Variants in EML6 observed in about 807,000 individuals in gnomAD.
EML6 encodes the protein echinoderm microtubule-associated protein-like 6.
A neutral mutation model predicts 240.1 loss-of-function variants in EML6; 154 were observed. That is an observed-to-expected ratio of 0.64 (90% confidence interval 0.56 to 0.73). The LOEUF is 0.73. Ranked by LOEUF, EML6 falls within the 30% of genes least tolerant of loss-of-function variation. The pLI is 0.00. For missense variants in EML6, 2,964 were observed against 2,474.6 expected (o/e 1.20, Z -4.20); for synonymous variants, 1,148 against 899.0 (o/e 1.28, Z -4.95).
chr2:54,750,689 A>G (rs541321090), intron 2 of EML6, among the ~76,000 whole-genome samples: 2 of 152,234 alleles, frequency 1.3e-5, no homozygotes, highest in East Asian at 1.9e-4. Flanking sequence ...GTTGATGCCA[A>G]TGGTCATGGG....
intron 13 of EML6, among the ~76,000 whole-genome samples, chr2:54,864,965 C>G (rs967256925): frequency 6.6e-6 from 1 of 152,138 alleles, no homozygotes. Context: ...TTGTATTATG[C>G]AATATGACTA....
Position 54,808,037 on chromosome 2 carries a change from C to A in EML6, c.198-5195C>A, listed in dbSNP as rs375366354. 5.3e-5 allele frequency among the ~76,000 whole-genome samples: 8 copies of A among 152,138 alleles called. No homozygotes were observed. The East Asian group carries it at 7.7e-4, about 15-fold the overall frequency. On this transcript the variant is annotated intron_variant, in intron 2 of 41. Coordinates refer to ENST00000356458, the MANE Select transcript of EML6 (RefSeq NM_001039753.4). ...CTTGTTAAAGTCCAGTTTTAGGGAC[C>A]CCCCCTGCTTAACTATGGATTATAC... is the stretch of plus-strand genomic sequence containing the variant.
At chr2:54,869,433 T>A in intron 15 of EML6, 66 bp downstream of exon 15, 2 of 1,228,202 alleles carry the variant, frequency 1.6e-6, no homozygotes, top group Admixed American at 2.7e-5. Context: ...TCAGTTTACA[T>A]ATTAGAAATT....
At chr2:54,956,700 A>G (rs1352907475) in intron 32 of EML6, among the ~76,000 whole-genome samples, 3 of 152,166 alleles carry the variant, frequency 2.0e-5, no homozygotes, top group Non-Finnish European at 4.4e-5. Flanking sequence ...AGGCCCAGCT[A>G]CATCAAAACC....
At chr2:54,836,249 T>C (rs944164391) in intron 7 of EML6, among the ~76,000 whole-genome samples, 7 of 152,164 alleles carry the variant, frequency 4.6e-5, no homozygotes, top group Non-Finnish European at 1.0e-4. Context: ...ATAACTCTCC[T>C]TAGCCAGCCT....
chr2:54,789,407 G>A (rs566461217), intron 2 of EML6, among the ~76,000 whole-genome samples: 4 of 150,162 alleles, frequency 2.7e-5, no homozygotes, highest in South Asian at 4.2e-4. Context: ...CCAGCTACTC[G>A]GGAGGCTGAG....
chr2:54,778,020 C>G (rs1251403703), intron 2 of EML6, among the ~76,000 whole-genome samples: 1 of 152,132 alleles, frequency 6.6e-6, no homozygotes, highest in East Asian at 1.9e-4. Flanking sequence ...AAAAGATAAT[C>G]TAGGCATTCA....
At chr2:54,927,687 C>G (rs560428602) in intron 26 of EML6, among the ~76,000 whole-genome samples, 7 of 152,312 alleles carry the variant, frequency 4.6e-5, no homozygotes, top group African/African-American at 1.4e-4. Flanking sequence ...CCTGGGCACA[C>G]CACTCCAAAA....
At chr2:54,889,891 A>G (rs1174976081) in intron 17 of EML6, among the ~76,000 whole-genome samples, 2 of 152,250 alleles carry the variant, frequency 1.3e-5, no homozygotes, top group Non-Finnish European at 2.9e-5. Context: ...TATGACGAAT[A>G]AGCTATTCCA....
intron 32 of EML6, among the ~76,000 whole-genome samples, chr2:54,956,379 C>G (rs929841990): frequency 6.9e-6 from 1 of 144,844 alleles, no homozygotes; most frequent in Non-Finnish European, 1.5e-5. Flanking sequence ...TGTTCAAATC[C>G]TTTTACTACT....
chr2:54,837,984 C>T (rs907329002), intron 7 of EML6, among the ~76,000 whole-genome samples: 2 of 152,184 alleles, frequency 1.3e-5, no homozygotes, highest in African/African-American at 4.8e-5. Flanking sequence ...CCCTCTTGGA[C>T]CAAATAATTG....
At chr2:54,825,680 A>G (rs1668551893) in intron 5 of EML6, among the ~76,000 whole-genome samples, 1 of 152,158 alleles carries the variant, frequency 6.6e-6, no homozygotes, top group Admixed American at 6.5e-5. Context: ...TTCATTGTGT[A>G]TCTGCCCTTC....
At chr2:54,912,166 G>C (rs1166058111) in intron 25 of EML6, among the ~76,000 whole-genome samples, 1 of 152,130 alleles carries the variant, frequency 6.6e-6, no homozygotes, top group African/African-American at 2.4e-5. Flanking sequence ...GGAAGTATAT[G>C]TGTAGTACTT....
At chr2:54,870,698 T>C (rs1671212773) in intron 15 of EML6, among the ~76,000 whole-genome samples, 1 of 152,202 alleles carries the variant, frequency 6.6e-6, no homozygotes, top group African/African-American at 2.4e-5. Flanking sequence ...GGTGTTTTTT[T>C]TTTACATAAA....
At chr2:54,812,217 A>G (rs1667882678) in intron 2 of EML6, among the ~76,000 whole-genome samples, 1 of 152,134 alleles carries the variant, frequency 6.6e-6, no homozygotes, top group South Asian at 2.1e-4. Context: ...GAGGCAAAAG[A>G]TGAAGTAATT....
At position 54,891,524 on chromosome 2, in the gene EML6, C is replaced by T. The variant is rs530270230; in HGVS notation, c.2539+370C>T. 4.6e-5 allele frequency among the ~76,000 whole-genome samples: 7 copies of T among 152,208 alleles called. No individual in the cohort carries two copies. In the South Asian group the frequency reaches 1.4e-3, roughly 32 times the overall value. On this transcript the variant is annotated intron_variant, in intron 18 of 41. Transcript: ENST00000356458. ...GGATGGTTCCTTTATTTATCTATTACTGAATTTAAACCTGAATTAAACCCT... is the reference window on the plus strand; with the variant it reads ...GGATGGTTCCTTTATTTATCTATTATTGAATTTAAACCTGAATTAAACCCT...
intron 16 of EML6, among the ~76,000 whole-genome samples, chr2:54,875,433 C>T (rs1242835112): frequency 1.3e-5 from 2 of 152,224 alleles, no homozygotes; most frequent in African/African-American, 2.4e-5. Context: ...CTCAGGACTC[C>T]TGTCGCTGCC....
intron 2 of EML6, among the ~76,000 whole-genome samples, chr2:54,789,538 A>AG (rs1669305795): frequency 2.2e-5 from 3 of 136,934 alleles, no homozygotes; most frequent in Non-Finnish European, 4.9e-5. Context: ...AAAAAAAAAA[A>AG]AAAAAAAAAA....
intron 5 of EML6, 79 bp from the exon 6 acceptor site, chr2:54,827,487 C>G: frequency 8.5e-7 from 1 of 1,175,668 alleles, no homozygotes; most frequent in Non-Finnish European, 1.2e-6. Flanking sequence ...ATGTGAAATG[C>G]ACTGAAGTAT....
Sources: gnomAD v4.1 joint callset for allele counts (sites outside exome capture counted in the v4.1 genomes callset) on GRCh38, gnomAD v4.1.1 for gene constraint, MANE v1.5 for transcripts, NCBI Gene and HGNC (gene_info 2026-07-23, HGNC 2026-07-21) for gene names.